Variants in SVEP1 observed in about 807,000 individuals in gnomAD.
The protein encoded by SVEP1 is sushi, von Willebrand factor type A, EGF and pentraxin domain containing 1, also known as sushi, von Willebrand factor type A, EGF and pentraxin domain-containing protein 1.
Under a neutral mutation model 367.3 loss-of-function variants are expected in SVEP1, and 164 were observed. That is an observed-to-expected ratio of 0.45 (90% CI 0.39 to 0.51). The LOEUF (loss-of-function observed/expected upper bound fraction) is 0.51, where lower values mean the gene tolerates loss of function less well. SVEP1 is among the 20% of genes least tolerant of loss of function. The probability of loss-of-function intolerance (pLI) is 0.00; values close to 1 mark genes in which losing one functional copy is unlikely to be tolerated. For synonymous variants in SVEP1, 1,666 were observed against 1,611.6 expected (o/e 1.03, Z -0.81); for missense variants, 4,117 against 4,425.3 (o/e 0.93, Z 1.98).
chr9:110,530,174 G>A (rs1829999605), intron 3 of SVEP1, among the ~76,000 whole-genome samples: 1 of 152,170 alleles, frequency 6.6e-6, no homozygotes. Flanking sequence ...AATTATGTAT[G>A]TTGAACCATC....
intron 27 of SVEP1, among the ~76,000 whole-genome samples, chr9:110,441,825 T>C (rs747853726): frequency 1.3e-5 from 2 of 152,146 alleles, no homozygotes; most frequent in Non-Finnish European, 2.9e-5. Flanking sequence ...TTCTTTCTGC[T>C]CGTGACAGAA....
In SVEP1 at chr9:110,467,636, C is replaced by CT. The variant is rs11366981; in HGVS notation, c.3160+1303dup. On this transcript the variant is annotated intron_variant, in intron 17 of 47. Coordinates refer to ENST00000374469, the MANE Select transcript of SVEP1 (RefSeq NM_153366.4). The stretch of plus-strand genomic sequence containing the variant: ...TGTGGCATCTCCCCTGTCTTTTTTA[C>CT]TTTTTTTTTTTTTTTTTGAGATAGG... Among the ~76,000 whole-genome samples the CT allele has an allele frequency of 3.7e-3, 500 of 133,908 alleles. 3 individuals are homozygous for CT. The highest frequency in any genetic ancestry group is 7.1e-3 in the South Asian group (30 of 4,220). 87.8% of individuals were successfully genotyped at this position (133,908 alleles called of 152,430 possible). A position where few individuals can be genotyped will look rare whatever the true frequency, so the allele number is the denominator to read the frequency against.
intron 5 of SVEP1, among the ~76,000 whole-genome samples, chr9:110,509,798 C>T (rs1829680607): frequency 6.6e-6 from 1 of 152,122 alleles, no homozygotes; most frequent in South Asian, 2.1e-4. Flanking sequence ...CATTCATTCA[C>T]CAGAGATATC....
chr9:110,504,311 C>T (rs941109725), intron 5 of SVEP1, among the ~76,000 whole-genome samples: 31 of 151,986 alleles, frequency 2.0e-4, no homozygotes, highest in Non-Finnish European at 4.1e-4. Flanking sequence ...CCGCCAGCCT[C>T]GGCCTCCCAA....
Position 110,436,434 on chromosome 9 carries a change from A to G in SVEP1, c.4710T>C (p.Phe1570=). The G allele has an allele frequency of 6.2e-7, 1 of 1,613,980 alleles. No individual in the cohort carries two copies. Among genetic ancestry groups the G allele is most frequent in the Non-Finnish European group, 8.5e-7 (1 of 1,179,872 alleles). The part of the protein sequence containing the change: ...KGEGFSPAES[F]VGSISQLNLW... ...GGTTGAGCTGGCTTATGGAGCCCAC[A>G]AAAGACTCAGCTGGGCTGAATCCCT... Residue 1570 remains phenylalanine (F), a synonymous_variant, in exon 28 of 48, where the codon TTT becomes TTC. Transcript: ENST00000374469.
chr9:110,440,718 A>C (rs1828499300), intron 27 of SVEP1, among the ~76,000 whole-genome samples: 1 of 152,166 alleles, frequency 6.6e-6, no homozygotes, highest in Admixed American at 6.5e-5. Context: ...TTCTAGGCAA[A>C]GGAGTGGGTA....
At chr9:110,537,303 A>G (rs542636977) in intron 3 of SVEP1, among the ~76,000 whole-genome samples, 1 of 152,108 alleles carries the variant, frequency 6.6e-6, no homozygotes, top group East Asian at 1.9e-4. Flanking sequence ...AACAATGAAT[A>G]ATAAAAATCC....
In SVEP1 at chr9:110,443,679, C is replaced by T; in HGVS notation, c.4505G>A (p.Cys1502Tyr). Reference sequence around the variant, plus strand: ...CCATCTGCCATCATTCACCGAGGGACAGTTTGTTATCTTTTCCCTGCCATT... The same window carrying T: ...CCATCTGCCATCATTCACCGAGGGATAGTTTGTTATCTTTTCCCTGCCATT... ...YVNGREKITN[C>Y]PSVNDGRWHH... Residue 1502 changes from cysteine (C) to tyrosine (Y), a missense_variant, in exon 27 of 48, where the codon TGT becomes TAT. Around this residue, in one of 4 missense-constraint regions of SVEP1, gnomAD observed 2,174 missense variants for 2,494.3 expected, o/e 0.87. Transcript: ENST00000374469. 6.2e-7 allele frequency: 1 copy of T among 1,610,538 alleles called. No individual in the cohort carries two copies. Among genetic ancestry groups the T allele is most frequent in the Non-Finnish European group, 8.5e-7 (1 of 1,178,406 alleles).
At chr9:110,477,381 C>A (rs1829111220) in intron 13 of SVEP1, among the ~76,000 whole-genome samples, 1 of 152,148 alleles carries the variant, frequency 6.6e-6, no homozygotes, top group Admixed American at 6.5e-5. Context: ...AACACTTAAC[C>A]TTGGTTAAAT....
At chr9:110,494,955 G>A (rs981928274) in intron 8 of SVEP1, among the ~76,000 whole-genome samples, 3 of 152,228 alleles carry the variant, frequency 2.0e-5, no homozygotes, top group Admixed American at 6.5e-5. Flanking sequence ...ACCCCCAACT[G>A]TAGCCAAATA....
intron 1 of SVEP1, among the ~76,000 whole-genome samples, chr9:110,578,298 G>A (rs1588116235): frequency 6.6e-6 from 1 of 151,928 alleles, no homozygotes; most frequent in South Asian, 2.1e-4. Flanking sequence ...AGTATGAATG[G>A]ATGTACATAC....
At position 110,471,446 on chromosome 9, in the gene SVEP1, A is replaced by G; in HGVS notation, c.2916T>C (p.Leu972=). Residue 972 remains leucine, a synonymous_variant, in exon 16 of 48, where the codon CTT becomes CTC. Transcript: ENST00000374469. The part of the protein sequence containing the change: ...MYSFQLASEI[L]IADSNSLETK... ...TTTCTAATGAATTGCTGTCGGCTAT[A>G]AGTATTTCTGATGCAAGCTGAAAGG... 1 of 1,613,938 alleles carries G rather than the reference A, an allele frequency of 6.2e-7. No individual in the cohort carries two copies. Among genetic ancestry groups the G allele is most frequent in the Non-Finnish European group, 8.5e-7 (1 of 1,179,876 alleles).
chr9:110,546,988 G>A (rs1044107709), intron 2 of SVEP1, among the ~76,000 whole-genome samples: 2 of 152,170 alleles, frequency 1.3e-5, no homozygotes, highest in Non-Finnish European at 2.9e-5. Flanking sequence ...AAGTTTGAAA[G>A]TTTTAGACTA....
At chr9:110,516,530 T>C (rs1336362580) in intron 3 of SVEP1, among the ~76,000 whole-genome samples, 1 of 152,214 alleles carries the variant, frequency 6.6e-6, no homozygotes, top group Non-Finnish European at 1.5e-5. Flanking sequence ...ATTATTTATA[T>C]TACTGAATAT....
At chr9:110,567,558 T>C (rs1009558324) in intron 1 of SVEP1, among the ~76,000 whole-genome samples, 2 of 152,258 alleles carry the variant, frequency 1.3e-5, no homozygotes, top group Non-Finnish European at 1.5e-5. Flanking sequence ...TGCTGGCCCA[T>C]GTGTGAGTTC....
At chr9:110,423,616 C>T (rs559899277) in intron 36 of SVEP1, among the ~76,000 whole-genome samples, 112 of 150,558 alleles carry the variant, frequency 7.4e-4, no homozygotes, top group African/African-American at 2.7e-3. Context: ...TTAAGCCTGA[C>T]AAAAAAAATC....
At position 110,390,341 on chromosome 9, in the gene SVEP1, TTATATACACTTATA is replaced by T. The variant is rs1248887802; in HGVS notation, c.9823-768_9823-755del. Reference sequence around the variant, plus strand: ...TATATATACTTATATATACACATACTTATATACACTTATATATATATACTTATATCTACTTATAT... The same window carrying T: ...TATATATACTTATATATACACATACTTATATATACTTATATCTACTTATAT... On this transcript the variant is annotated intron_variant, in intron 40 of 47. Coordinates refer to ENST00000374469, the MANE Select transcript of SVEP1 (RefSeq NM_153366.4). 6.9e-4 allele frequency among the ~76,000 whole-genome samples: 21 copies of T among 30,428 alleles called. 3 individuals are homozygous for T. The highest frequency in any genetic ancestry group is 4.8e-3 in the African/African-American group (18 of 3,780). The allele number at this position is 30,428 out of a possible 152,430, so 20.0% of individuals were successfully genotyped here.
At chr9:110,478,478 A>G (rs545085881) in intron 13 of SVEP1, among the ~76,000 whole-genome samples, 1 of 152,320 alleles carries the variant, frequency 6.6e-6, no homozygotes, top group South Asian at 2.1e-4. Flanking sequence ...ACCTGCTACA[A>G]TTTAGTGTCT....
intron 15 of SVEP1, 89 bp from the exon 16 acceptor site, chr9:110,471,686 T>A: frequency 6.6e-6 from 6 of 908,352 alleles, no homozygotes; most frequent in Non-Finnish European, 8.3e-6. Flanking sequence ...CAGAAATACT[T>A]AAAATCTTTT....
Sources: gnomAD v4.1 joint callset for allele counts (sites outside exome capture counted in the v4.1 genomes callset) on GRCh38, gnomAD v4.1.1 for gene constraint, gnomAD v4.1.1 regional missense constraint, MANE v1.5 for transcripts, NCBI Gene and HGNC (gene_info 2026-07-23, HGNC 2026-07-21) for gene names.